AGPAT5: variants seen among roughly 807,000 people sequenced by gnomAD.
AGPAT5 encodes 1-acyl-sn-glycerol-3-phosphate acyltransferase epsilon.
In AGPAT5, 46 loss-of-function variants were observed where a neutral mutation model predicts 45.6. The ratio of observed to expected loss-of-function variants is 1.01; its 90% confidence interval spans 0.80 to 1.29. The LOEUF is 1.29. Ranked by LOEUF, AGPAT5 falls within the 50% of genes most tolerant of loss-of-function variation. The pLI is 0.00. For synonymous variants in AGPAT5, 272 were observed against 167.0 expected (o/e 1.63, Z -4.85); for missense variants, 673 against 450.7 (o/e 1.49, Z -4.47).
chr8:6,715,421 G>C (rs1344496591), intron 1 of AGPAT5, among the ~76,000 whole-genome samples: 1 of 152,202 alleles, frequency 6.6e-6, no homozygotes, highest in Non-Finnish European at 1.5e-5. Flanking sequence ...CTTTGTGATT[G>C]AATGTGGAGG....
intron 1 of AGPAT5, among the ~76,000 whole-genome samples, chr8:6,722,670 G>A (rs1271464082): frequency 6.6e-6 from 1 of 152,182 alleles, no homozygotes; most frequent in African/African-American, 2.4e-5. Context: ...AGGTGAAACT[G>A]GTCCGCATCT....
At chr8:6,720,680 C>T (rs531656628) in intron 1 of AGPAT5, among the ~76,000 whole-genome samples, 7 of 152,306 alleles carry the variant, frequency 4.6e-5, no homozygotes, top group African/African-American at 1.7e-4. Flanking sequence ...ATCAATCACG[C>T]AGATCCAGTA....
intron 6 of AGPAT5, among the ~76,000 whole-genome samples, 194 bp downstream of exon 6, chr8:6,748,022 CTGTCGTGTGAGTCCTGTGGACTCACCAAT>C (rs1801533894): frequency 6.6e-6 from 1 of 152,164 alleles, no homozygotes; most frequent in African/African-American, 2.4e-5. Flanking sequence ...TATTTCTTGG[CTGTCGTGTGAGTCCTGTGGACTCACCAAT>C]TATCATTAAT....
rs1448240994 is a variant in AGPAT5 at position 6,757,227 on chromosome 8, G to A, written c.934G>A (p.Val312Ile). ...ERRKRFPGKS[V>I]NSKLSIKKTL... ...AAGAAAAAGATTTCCTGGGAAAAGT[G>A]TTAATTCCAAATTAAGTATCAAGAA... Residue 312 changes from valine (V) to isoleucine (I), a missense_variant, in exon 8 of 8, where the codon GTT (valine) becomes ATT (isoleucine). Coordinates refer to ENST00000285518, the MANE Select transcript of AGPAT5 (RefSeq NM_018361.5). The A allele has an allele frequency of 6.2e-7, 1 of 1,614,102 alleles. No individual in the cohort carries two copies. Among genetic ancestry groups the A allele is most frequent in the Non-Finnish European group, 8.5e-7 (1 of 1,180,038 alleles).
intron 4 of AGPAT5, among the ~76,000 whole-genome samples, chr8:6,733,362 T>A (rs1006119747): frequency 2.0e-5 from 3 of 152,168 alleles, no homozygotes; most frequent in Admixed American, 6.5e-5. Flanking sequence ...TGCCCTCCCC[T>A]CACCAGGGGT....
chr8:6,710,195 A>AAT (rs1677769074), intron 1 of AGPAT5, among the ~76,000 whole-genome samples: 1 of 152,208 alleles, frequency 6.6e-6, no homozygotes, highest in South Asian at 2.1e-4. Flanking sequence ...TATGATGCAG[A>AAT]ATACACCATT....
intron 1 of AGPAT5, among the ~76,000 whole-genome samples, chr8:6,712,697 G>A (rs898925960): frequency 3.9e-5 from 6 of 152,138 alleles, no homozygotes; most frequent in South Asian, 2.1e-4. Flanking sequence ...GTGAGTTAAC[G>A]TGAAACTAGA....
intron 4 of AGPAT5, among the ~76,000 whole-genome samples, chr8:6,734,819 G>A (rs901332094): frequency 6.6e-6 from 1 of 151,950 alleles, no homozygotes; most frequent in Non-Finnish European, 1.5e-5. Flanking sequence ...TTTGGGTTTT[G>A]CTCATGTGCT....
chr8:6,721,733 A>C (rs1291676533), intron 1 of AGPAT5, among the ~76,000 whole-genome samples: 1 of 152,150 alleles, frequency 6.6e-6, no homozygotes, highest in Non-Finnish European at 1.5e-5. Flanking sequence ...CTGTTCCTTT[A>C]CCCTTGTAGG....
At chr8:6,744,717 A>T (rs1801372224) in intron 5 of AGPAT5, among the ~76,000 whole-genome samples, 1 of 152,006 alleles carries the variant, frequency 6.6e-6, no homozygotes, top group Non-Finnish European at 1.5e-5. Context: ...ACTCGCTCTA[A>T]ACCTGTGTTT....
intron 5 of AGPAT5, among the ~76,000 whole-genome samples, chr8:6,746,929 A>G (rs1801489946): frequency 6.6e-6 from 1 of 152,206 alleles, no homozygotes; most frequent in Non-Finnish European, 1.5e-5. Context: ...TAGGAACCTA[A>G]TGAATGGGAT....
chr8:6,752,611 A>G (rs939200732), intron 6 of AGPAT5, among the ~76,000 whole-genome samples: 5 of 152,174 alleles, frequency 3.3e-5, no homozygotes, highest in African/African-American at 9.7e-5. Context: ...GACCTGTACG[A>G]ATAGTTGGAA....
intron 5 of AGPAT5, among the ~76,000 whole-genome samples, chr8:6,742,321 C>T (rs895530698): frequency 1.3e-5 from 2 of 152,164 alleles, no homozygotes; most frequent in African/African-American, 4.8e-5. Flanking sequence ...ATGTCTTCAA[C>T]AATGGTAATG....
At chr8:6,721,936 T>C (rs1800517526) in intron 1 of AGPAT5, among the ~76,000 whole-genome samples, 1 of 152,174 alleles carries the variant, frequency 6.6e-6, no homozygotes, top group Non-Finnish European at 1.5e-5. Context: ...CAAGCGATTC[T>C]TCTGCTTGAG....
intron 1 of AGPAT5, among the ~76,000 whole-genome samples, chr8:6,717,006 G>T (rs1563283024): frequency 6.6e-6 from 1 of 152,146 alleles, no homozygotes. Context: ...AGTCTAGTGA[G>T]TCCGATTCAT....
chr8:6,731,057 T>TG (rs969560017), intron 3 of AGPAT5, among the ~76,000 whole-genome samples: 1 of 151,774 alleles, frequency 6.6e-6, no homozygotes, highest in Non-Finnish European at 1.5e-5. Context: ...TTTGTAGAGA[T>TG]GGGGGTCTCG....
intron 1 of AGPAT5, 45 bp downstream of exon 1, chr8:6,708,932 C>G (rs1324590791): frequency 6.4e-7 from 1 of 1,559,196 alleles, no homozygotes; most frequent in African/African-American, 1.4e-5. Context: ...ACCCGAGCTC[C>G]CGGGGGCGCG....
chr8:6,741,647 T>C lies in AGPAT5; in HGVS notation c.496-14T>C, dbSNP rs1292153691. 2 of 1,568,578 alleles carry C rather than the reference T, an allele frequency of 1.3e-6. No homozygotes were observed. Among genetic ancestry groups the C allele is most frequent in the Non-Finnish European group, 1.7e-6 (2 of 1,159,582 alleles). On this transcript the variant is annotated splice_polypyrimidine_tract_variant and intron_variant, in intron 4 of 7. Transcript: ENST00000285518. ...CTCACACAAAATAAACCAAATTTGC[T>C]CTATGTCCCACAGATGTATCTTGTG...
intron 1 of AGPAT5, among the ~76,000 whole-genome samples, chr8:6,717,362 G>C (rs1295909119): frequency 6.6e-6 from 1 of 152,186 alleles, no homozygotes; most frequent in Non-Finnish European, 1.5e-5. Context: ...GAGAATTCCA[G>C]GGGCGGAAAG....
Sources: allele counts gnomAD v4.1 joint callset (sites outside exome capture counted in the v4.1 genomes callset), GRCh38; gene constraint gnomAD v4.1.1; transcripts MANE v1.5; gene names NCBI Gene and HGNC (gene_info 2026-07-23, HGNC 2026-07-21).